Variants in LRRC4C observed in about 807,000 individuals in gnomAD.
The protein encoded by LRRC4C is leucine rich repeat containing 4C.
LRRC4C carries 5 observed loss-of-function variants against 33.6 expected under a neutral mutation model. That is an observed-to-expected ratio of 0.15 (90% CI 0.08 to 0.31). The LOEUF (loss-of-function observed/expected upper bound fraction) is 0.31, where lower values mean the gene tolerates loss of function less well. LRRC4C is among the 10% of genes least tolerant of loss of function. LRRC4C has a pLI of 1.00. For synonymous variants in LRRC4C, 329 were observed against 302.0 expected (o/e 1.09, Z -0.93); for missense variants, 560 against 796.7 (o/e 0.70, Z 3.58).
At chr11:41,218,292 T>A (rs888883317) in intron 1 of LRRC4C, among the ~76,000 whole-genome samples, 5 of 152,164 alleles carry the variant, frequency 3.3e-5, no homozygotes, top group African/African-American at 9.7e-5. Flanking sequence ...TACTTAAGAA[T>A]CATATAGAAA....
chr11:40,790,570 G>C (rs1348180402), intron 2 of LRRC4C, among the ~76,000 whole-genome samples: 2 of 152,168 alleles, frequency 1.3e-5, no homozygotes, highest in African/African-American at 4.8e-5. Context: ...TGTTGCTCTA[G>C]CCAGAAGCAG....
intron 1 of LRRC4C, among the ~76,000 whole-genome samples, chr11:41,376,076 C>T (rs1430646955): frequency 6.6e-6 from 1 of 151,428 alleles, no homozygotes; most frequent in African/African-American, 2.4e-5. Flanking sequence ...AATGAGAAGA[C>T]TAGCATTAAT....
At chr11:41,433,652 C>T (rs1006063023) in intron 1 of LRRC4C, among the ~76,000 whole-genome samples, 1 of 152,018 alleles carries the variant, frequency 6.6e-6, no homozygotes, top group Admixed American at 6.6e-5. Context: ...TATCTTTCTC[C>T]CGTGCTAGAT....
At chr11:41,235,436 C>T (rs1947978366) in intron 1 of LRRC4C, among the ~76,000 whole-genome samples, 1 of 152,018 alleles carries the variant, frequency 6.6e-6, no homozygotes, top group Non-Finnish European at 1.5e-5. Flanking sequence ...TTTGTTTTTA[C>T]CTCTGTTGTC....
At position 40,116,156 on chromosome 11, in the gene LRRC4C, G is replaced by T; in HGVS notation, c.137C>A (p.Thr46Asn). The change falls in exon 7 of 7, where the codon ACC (threonine) becomes AAC (asparagine). Residue 46 changes from threonine to asparagine, a missense_variant. By Grantham distance (65) the Thr-to-Asn change is moderately conservative. Around this residue, in one of 3 missense-constraint regions of LRRC4C, gnomAD observed 455 missense variants for 643.8 expected, o/e 0.71. Coordinates refer to ENST00000528697, the MANE Select transcript of LRRC4C (RefSeq NM_001258419.2). ...GCTGCAGGAGCACACAGAAGGGCAG[G>T]TCTGAGCCCGCACCAGACCAGCCAC... ...LVVAGLVRAQ[T>N]CPSVCSCSNQ... 6.2e-7 allele frequency: 1 copy of T among 1,613,904 alleles called. No individual in the cohort carries two copies. The highest frequency in any genetic ancestry group is 8.5e-7 in the Non-Finnish European group (1 of 1,179,956).
intron 1 of LRRC4C, among the ~76,000 whole-genome samples, chr11:41,260,288 G>A (rs1482713863): frequency 6.6e-6 from 1 of 152,048 alleles, no homozygotes; most frequent in African/African-American, 2.4e-5. Context: ...TACAAGGAGA[G>A]TTAATGGCTT....
At chr11:41,140,848 A>T (rs529622534) in intron 1 of LRRC4C, among the ~76,000 whole-genome samples, 1 of 152,284 alleles carries the variant, frequency 6.6e-6, no homozygotes, top group South Asian at 2.1e-4. Flanking sequence ...ATAAGTAAAA[A>T]TTTGTTTTTT....
intron 1 of LRRC4C, among the ~76,000 whole-genome samples, chr11:41,455,188 T>C (rs1956139213): frequency 6.6e-6 from 1 of 152,124 alleles, no homozygotes; most frequent in Non-Finnish European, 1.5e-5. Flanking sequence ...TGTGCTATTA[T>C]TATAAATGTA....
At chr11:41,225,788 T>C (rs112129040) in intron 1 of LRRC4C, among the ~76,000 whole-genome samples, 3,640 of 152,246 alleles carry the variant, frequency 0.024, 154 homozygotes, top group African/African-American at 0.082. Flanking sequence ...TTTCTGTGTC[T>C]TAAGCCTATG....
chr11:40,332,575 C>A (rs554454365), intron 3 of LRRC4C, among the ~76,000 whole-genome samples: 2 of 152,274 alleles, frequency 1.3e-5, no homozygotes, highest in East Asian at 1.9e-4. Context: ...ATCTTTTTAT[C>A]ATCAACACTT....
At chr11:41,139,951 AT>A (rs1376671747) in intron 1 of LRRC4C, among the ~76,000 whole-genome samples, 3 of 152,132 alleles carry the variant, frequency 2.0e-5, no homozygotes, top group Non-Finnish European at 4.4e-5. Context: ...CGATTTGACA[AT>A]CCTGGTGTAT....
chr11:40,403,528 T>C (rs1412202460), intron 3 of LRRC4C, among the ~76,000 whole-genome samples: 1 of 152,102 alleles, frequency 6.6e-6, no homozygotes, highest in Admixed American at 6.6e-5. Context: ...CTAATTTCTA[T>C]AAACAAACAT....
At chr11:41,016,964 G>A (rs928242371) in intron 1 of LRRC4C, among the ~76,000 whole-genome samples, 10 of 151,954 alleles carry the variant, frequency 6.6e-5, no homozygotes, top group African/African-American at 1.9e-4. Flanking sequence ...CATACAACTC[G>A]GATAATTTTT....
intron 1 of LRRC4C, among the ~76,000 whole-genome samples, chr11:40,968,261 A>G (rs966956482): frequency 7.9e-5 from 12 of 152,132 alleles, no homozygotes; most frequent in Admixed American, 7.2e-4. Flanking sequence ...AGAGTTGAAG[A>G]AGCTGCAGAA....
At chr11:41,433,801 A>ATGTGTG (rs3040493) in intron 1 of LRRC4C, among the ~76,000 whole-genome samples, 3 of 149,370 alleles carry the variant, frequency 2.0e-5, no homozygotes, top group Non-Finnish European at 3.0e-5. Context: ...TCCCATATAT[A>ATGTGTG]TGTGTGTGTG....
intron 1 of LRRC4C, among the ~76,000 whole-genome samples, chr11:41,041,223 G>C (rs942306046): frequency 6.6e-6 from 1 of 152,096 alleles, no homozygotes; most frequent in African/African-American, 2.4e-5. Context: ...TTATAGCAAG[G>C]TTGGTTATAG....
At chr11:41,260,461 T>C (rs1948944173) in intron 1 of LRRC4C, among the ~76,000 whole-genome samples, 2 of 152,002 alleles carry the variant, frequency 1.3e-5, no homozygotes, top group African/African-American at 2.4e-5. Flanking sequence ...AGCAGTGAGA[T>C]TGACTGCAGT....
intron 1 of LRRC4C, among the ~76,000 whole-genome samples, chr11:40,994,650 A>T (rs1460191463): frequency 1.3e-5 from 2 of 152,164 alleles, no homozygotes; most frequent in Admixed American, 6.6e-5. Context: ...TCCCAGAGGA[A>T]GCAAAAATTA....
intron 1 of LRRC4C, among the ~76,000 whole-genome samples, chr11:41,058,813 C>T (rs1454823525): frequency 6.6e-6 from 1 of 152,084 alleles, no homozygotes; most frequent in Non-Finnish European, 1.5e-5. Flanking sequence ...AACCTAAATG[C>T]CCATCAATGG....
Sources: allele counts gnomAD v4.1 joint callset (sites outside exome capture counted in the v4.1 genomes callset), GRCh38; gene constraint gnomAD v4.1.1; regional missense constraint gnomAD v4.1.1; transcripts MANE v1.5; gene names NCBI Gene and HGNC (gene_info 2026-07-23, HGNC 2026-07-21).